Variants in KIAA1328 observed in about 807,000 individuals in gnomAD.
The protein encoded by KIAA1328 is KIAA1328.
KIAA1328 carries 52 observed loss-of-function variants against 68.1 expected under a neutral mutation model. That is an observed-to-expected ratio of 0.76 (90% confidence interval 0.61 to 0.96). The LOEUF is 0.96. KIAA1328 is among the 40% of genes least tolerant of loss of function. The probability of loss-of-function intolerance (pLI) is 0.00; values close to 1 mark genes in which losing one functional copy is unlikely to be tolerated. For synonymous variants in KIAA1328, 232 were observed against 239.4 expected (o/e 0.97, Z 0.28); for missense variants, 641 against 677.6 (o/e 0.95, Z 0.60).
chr18:36,892,934 T>C (rs903783874), intron 5 of KIAA1328, among the ~76,000 whole-genome samples: 10 of 152,164 alleles, frequency 6.6e-5, no homozygotes, highest in Admixed American at 6.6e-5. Flanking sequence ...AGTAAAGAAA[T>C]TATATGCTCA....
At chr18:37,175,418 A>C (rs898062082) in intron 9 of KIAA1328, among the ~76,000 whole-genome samples, 7 of 152,214 alleles carry the variant, frequency 4.6e-5, no homozygotes, top group Non-Finnish European at 1.0e-4. Flanking sequence ...ATATTTACAG[A>C]CTTTAAAAAA....
intron 6 of KIAA1328, among the ~76,000 whole-genome samples, chr18:37,064,497 T>C (rs927756784): frequency 5.9e-5 from 9 of 151,856 alleles, no homozygotes; most frequent in African/African-American, 7.3e-5. Flanking sequence ...TTGTTTTAAA[T>C]TACTTTTTAT....
At chr18:37,160,059 T>C in intron 7 of KIAA1328, 141 bp from the exon 8 acceptor site, 2 of 615,696 alleles carry the variant, frequency 3.2e-6, no homozygotes, top group Non-Finnish European at 5.1e-6. Flanking sequence ...TTGAGTAAAT[T>C]ATTTAAATTA....
intron 6 of KIAA1328, among the ~76,000 whole-genome samples, chr18:36,997,300 C>A (rs888220877): frequency 7.9e-5 from 12 of 152,046 alleles, no homozygotes; most frequent in African/African-American, 2.9e-4. Context: ...TAATTCTTCC[C>A]TTTTTCCCTC....
chr18:36,965,031 A>C (rs970515073), intron 6 of KIAA1328, among the ~76,000 whole-genome samples: 2 of 152,154 alleles, frequency 1.3e-5, no homozygotes, highest in African/African-American at 2.4e-5. Flanking sequence ...GAGAAAGCCT[A>C]GGCAGCATTT....
chr18:37,066,746 C>G, intron 6 of KIAA1328, 144 bp from the exon 7 acceptor site: 1 of 714,234 alleles, frequency 1.4e-6, no homozygotes, highest in Non-Finnish European at 2.3e-6. Flanking sequence ...GTCTGTTTAG[C>G]TGTGTGAATG....
At chr18:36,892,947 A>G (rs1220859359) in intron 5 of KIAA1328, among the ~76,000 whole-genome samples, 1 of 152,176 alleles carries the variant, frequency 6.6e-6, no homozygotes, top group Non-Finnish European at 1.5e-5. Flanking sequence ...TATGCTCACT[A>G]TTGGGTGACT....
At chr18:36,992,339 T>C (rs1242067441) in intron 6 of KIAA1328, among the ~76,000 whole-genome samples, 2 of 152,124 alleles carry the variant, frequency 1.3e-5, no homozygotes, top group African/African-American at 4.8e-5. Context: ...TTCTTGTACA[T>C]CGTCTTCTAA....
chr18:37,107,100 G>A (rs2057797163), intron 7 of KIAA1328, among the ~76,000 whole-genome samples: 1 of 152,104 alleles, frequency 6.6e-6, no homozygotes, highest in Non-Finnish European at 1.5e-5. Flanking sequence ...AAAAATACCA[G>A]GCATGGTGGT....
chr18:36,829,221 G>C, intron 1 of KIAA1328, 25 bp downstream of exon 1: 1 of 1,499,332 alleles, frequency 6.7e-7, no homozygotes, highest in South Asian at 1.3e-5. Flanking sequence ...CCTGACAGGG[G>C]GCGCCGGCGC....
intron 6 of KIAA1328, among the ~76,000 whole-genome samples, chr18:37,044,718 T>C (rs1337466557): frequency 6.7e-6 from 1 of 148,504 alleles, no homozygotes; most frequent in Admixed American, 6.8e-5. Context: ...GAGAATTTCT[T>C]AAACCCAGAG....
At chr18:36,885,770 T>G (rs1219989857) in intron 5 of KIAA1328, 98 bp downstream of exon 5, 1 of 719,012 alleles carries the variant, frequency 1.4e-6, no homozygotes. Context: ...TAGGCTGCAG[T>G]GCAATGGTGC....
intron 4 of KIAA1328, among the ~76,000 whole-genome samples, chr18:36,882,474 C>T (rs2048355882): frequency 6.6e-6 from 1 of 152,064 alleles, no homozygotes; most frequent in South Asian, 2.1e-4. Context: ...TATACTTGCT[C>T]ATATTAAGTA....
chr18:37,065,814 G>A (rs1030775794), intron 6 of KIAA1328, among the ~76,000 whole-genome samples: 2 of 152,166 alleles, frequency 1.3e-5, no homozygotes, highest in Admixed American at 6.5e-5. Context: ...TTTGGACAAC[G>A]TGGAATCTAG....
At position 36,979,330 on chromosome 18, in the gene KIAA1328, A is replaced by T. The variant is rs547203627; in HGVS notation, c.576+19895A>T. ...TATAGATATAAACTGTGATGATTAT[A>T]TGGGCAGACTAAGAAGTAAATTTAA... On this transcript the variant is annotated intron_variant, in intron 6 of 9. Coordinates refer to ENST00000280020, the MANE Select transcript of KIAA1328 (RefSeq NM_020776.3). Among the ~76,000 whole-genome samples the T allele has an allele frequency of 1.9e-4, 29 of 152,262 alleles. No homozygotes were observed. In the South Asian group the frequency reaches 5.8e-3, roughly 31 times the overall value.
chr18:37,180,396 T>G (rs1441112033), intron 9 of KIAA1328, among the ~76,000 whole-genome samples: 1 of 152,184 alleles, frequency 6.6e-6, no homozygotes, highest in African/African-American at 2.4e-5. Context: ...TTTTCATTCT[T>G]CCATTCTGGC....
intron 4 of KIAA1328, among the ~76,000 whole-genome samples, chr18:36,875,990 C>T (rs899964593): frequency 2.6e-5 from 4 of 151,754 alleles, no homozygotes; most frequent in African/African-American, 9.7e-5. Flanking sequence ...GTATGTTGAA[C>T]CAGCCTTGCA....
At chr18:37,138,680 T>C (rs1485980827) in intron 7 of KIAA1328, among the ~76,000 whole-genome samples, 1 of 152,174 alleles carries the variant, frequency 6.6e-6, no homozygotes, top group East Asian at 1.9e-4. Context: ...ACCTGCTTCA[T>C]GTAGCACTTT....
intron 5 of KIAA1328, among the ~76,000 whole-genome samples, chr18:36,897,234 TCAGGCTTATGAAGAG>T (rs1320902641): frequency 1.3e-5 from 2 of 152,012 alleles, no homozygotes; most frequent in African/African-American, 2.4e-5. Context: ...TCTTGAACCC[TCAGGCTTATGAAGAG>T]CAGAGCCAAA....
Sources: allele counts gnomAD v4.1 joint callset (sites outside exome capture counted in the v4.1 genomes callset), GRCh38; gene constraint gnomAD v4.1.1; transcripts MANE v1.5; gene names NCBI Gene and HGNC (gene_info 2026-07-23, HGNC 2026-07-21).